Variants in ENG observed in about 807,000 individuals in gnomAD.
ENG encodes the protein CD105 antigen.
In ENG, 17 loss-of-function variants were observed where a neutral mutation model predicts 71.0. That is an observed-to-expected ratio of 0.24 (90% CI 0.16 to 0.36). ENG has a LOEUF of 0.36. Ranked by LOEUF, ENG falls within the 10% of genes least tolerant of loss-of-function variation. The pLI is 1.00. For synonymous variants in ENG, 360 were observed against 366.9 expected (o/e 0.98, Z 0.21); for missense variants, 749 against 868.3 (o/e 0.86, Z 1.73).
intron 8 of ENG, 123 bp from the exon 9 acceptor site, chr9:127,820,160 C>T (rs1334012468): frequency 5.2e-6 from 7 of 1,340,302 alleles, no homozygotes; most frequent in Non-Finnish European, 7.0e-6. Context: ...CTGCCCTGCT[C>T]CCTCTTCATT....
intron 12 of ENG, chr9:127,817,742 C>T (rs573373019): frequency 2.8e-5 from 11 of 394,098 alleles, no homozygotes; most frequent in East Asian, 2.2e-4. Context: ...GTCCTTTGTC[C>T]GCCTCTCTTC....
intron 2 of ENG, chr9:127,841,280 C>G (rs1300093772): frequency 6.6e-6 from 1 of 152,374 alleles, no homozygotes; most frequent in African/African-American, 2.4e-5. Flanking sequence ...TGAGAATGCA[C>G]CAGTCCCCTG....
chr9:127,825,147 C>T (rs533130003), intron 6 of ENG, 84 bp downstream of exon 6: 22 of 1,611,226 alleles, frequency 1.4e-5, no homozygotes, highest in African/African-American at 2.7e-5. Flanking sequence ...CAGCTCAGCT[C>T]GGGGGTTCAC....
At chr9:127,826,047 T>TAA (rs1211124289) in intron 4 of ENG, among the ~76,000 whole-genome samples, 187 bp from the exon 5 acceptor site, 3 of 152,048 alleles carry the variant, frequency 2.0e-5, no homozygotes, top group African/African-American at 7.2e-5. Context: ...CCTGTGCAAG[T>TAA]CCCCGGGCCT....
chr9:127,819,137 C>T (rs1169434337), intron 10 of ENG: 8 of 371,048 alleles, frequency 2.2e-5, no homozygotes, highest in African/African-American at 1.7e-4. Flanking sequence ...CGGGGTTTCA[C>T]CATGTTAGCC....
chr9:127,817,334 A>G, intron 12 of ENG, 131 bp from the exon 13 acceptor site: 1 of 900,182 alleles, frequency 1.1e-6, no homozygotes, highest in East Asian at 2.6e-5. Flanking sequence ...TCGTAGCTGG[A>G]TGCCTCTGGG....
intron 8 of ENG, 77 bp downstream of exon 8, chr9:127,824,227 G>T (rs902157748): frequency 1.7e-5 from 27 of 1,601,628 alleles, no homozygotes; most frequent in Admixed American, 6.7e-5. Flanking sequence ...CCTGGGCTAG[G>T]ACCCCAAGAG....
At chr9:127,851,991 C>T (rs1446296745) in intron 1 of ENG, among the ~76,000 whole-genome samples, 1 of 152,084 alleles carries the variant, frequency 6.6e-6, no homozygotes, top group Admixed American at 6.5e-5. Flanking sequence ...GCATATTGTA[C>T]ATTATTACTA....
chr9:127,829,688 T>C lies in ENG; in HGVS notation c.359A>G (p.Tyr120Cys), dbSNP rs863223533. 9 of 1,613,988 alleles carry C rather than the reference T, an allele frequency of 5.6e-6. No homozygotes were observed. Among genetic ancestry groups the C allele is most frequent in the South Asian group, 3.3e-5 (3 of 91,056 alleles). The change falls in exon 3 of 15, where the codon TAC (tyrosine) becomes TGC (cysteine). Residue 120 changes from tyrosine to cysteine, a missense_variant and splice_region_variant. Tyr to Cys is a radical substitution (Grantham distance 194, BLOSUM62 -2). Transcript: ENST00000373203. Reference sequence around the variant, plus strand: ...TGGGGTTGGAGGGAACACACTCACGTAGGCCAAGTGCAGTGGGATTCCCAG... The same window carrying C: ...TGGGGTTGGAGGGAACACACTCACGCAGGCCAAGTGCAGTGGGATTCCCAG... Reference protein sequence around the residue: ...QALGIPLHLAYNSSLVTFQEP... With the variant: ...QALGIPLHLACNSSLVTFQEP...
intron 6 of ENG, 69 bp from the exon 7 acceptor site, chr9:127,825,043 G>T: frequency 1.3e-6 from 2 of 1,591,784 alleles, no homozygotes; most frequent in Admixed American, 1.7e-5. Context: ...GCCAGCCAGG[G>T]TTATGCCAGG....
At position 127,817,763 on chromosome 9, in the gene ENG, C is replaced by T. The variant is rs1564452319; in HGVS notation, c.1686+357G>A. 5.7e-5 allele frequency: 24 copies of T among 423,756 alleles called. 1 individual carries two copies. Among genetic ancestry groups the T allele is most frequent in the South Asian group, 5.3e-4 (23 of 43,438 alleles). 26.2% of individuals were successfully genotyped at this position (423,756 alleles called of 1,614,324 possible). Reference sequence around the variant, plus strand: ...TGTCCGCCTCTCTTCCCTCAGGTCTCCTGTTCTTTGAGATTACACTGGTGA... The same window carrying T: ...TGTCCGCCTCTCTTCCCTCAGGTCTTCTGTTCTTTGAGATTACACTGGTGA... On this transcript the variant is annotated intron_variant, in intron 12 of 14. Coordinates refer to ENST00000373203, the MANE Select transcript of ENG (RefSeq NM_001114753.3).
chr9:127,854,091 C>T (rs183210492), intron 1 of ENG, among the ~76,000 whole-genome samples, 198 bp downstream of exon 1: 3 of 152,304 alleles, frequency 2.0e-5, no homozygotes, highest in East Asian at 1.9e-4. Flanking sequence ...CCAGTTTGCC[C>T]GAGGCTTTCT....
intron 2 of ENG, among the ~76,000 whole-genome samples, chr9:127,842,221 TTTTC>T (rs1831051595): frequency 1.6e-5 from 1 of 64,276 alleles, no homozygotes; most frequent in Admixed American, 2.8e-4. Flanking sequence ...TCTCTTTTTC[TTTTC>T]TTTTTTTTTT....
At chr9:127,831,738 C>T (rs1830771483) in intron 2 of ENG, among the ~76,000 whole-genome samples, 1 of 149,366 alleles carries the variant, frequency 6.7e-6, no homozygotes, top group South Asian at 2.1e-4. Context: ...GTCACCCAGG[C>T]TGGAACCCAG....
intron 6 of ENG, 22 bp downstream of exon 6, chr9:127,825,209 C>A: frequency 6.2e-7 from 1 of 1,612,950 alleles, no homozygotes; most frequent in Non-Finnish European, 8.5e-7. Context: ...GTTTTGTGTC[C>A]CGGGAGCTGC....
At chr9:127,816,104 C>T in intron 13 of ENG, 51 bp from the exon 14 acceptor site, 1 of 1,585,128 alleles carries the variant, frequency 6.3e-7, no homozygotes, top group Non-Finnish European at 8.6e-7. Flanking sequence ...TGCCCCATCC[C>T]CTACCCTGTT....
chr9:127,854,329 A>G lies in ENG; in HGVS notation c.27T>C (p.Ala9=), dbSNP rs2131936584. Reference sequence around the variant, plus strand: ...TGCAGCTGGCCAGCAGCAGGGCAACAGCCAGAGGGAGCGTGCCGCGGTCCA... The same window carrying G: ...TGCAGCTGGCCAGCAGCAGGGCAACGGCCAGAGGGAGCGTGCCGCGGTCCA... MDRGTLPL[A]VALLLASCSL... The change falls in exon 1 of 15, where the codon GCT becomes GCC. Residue 9 remains alanine, a synonymous_variant. Transcript: ENST00000373203. 1.9e-6 allele frequency: 3 copies of G among 1,595,532 alleles called. No individual in the cohort carries two copies. In the Admixed American group the frequency reaches 5.2e-5, roughly 28 times the overall value.
Position 127,824,286 on chromosome 9 carries a change from G to A in ENG, c.1134+18C>T. On this transcript the variant is annotated intron_variant, in intron 8 of 14. Transcript: ENST00000373203. ...ATGTCCATGTCATCCTGAGCCAGAG[G>A]GGCAGGAGTTCCCTTACCGCAACAA... 6.2e-7 allele frequency: 1 copy of A among 1,614,028 alleles called. No homozygotes were observed.
intron 3 of ENG, 85 bp downstream of exon 3, chr9:127,829,602 G>A (rs1472543855): frequency 6.4e-7 from 1 of 1,570,224 alleles, no homozygotes; most frequent in Non-Finnish European, 8.7e-7. Flanking sequence ...GGCCGCTGGG[G>A]TGGGAGACCC....
Sources: gnomAD v4.1 joint callset for allele counts (sites outside exome capture counted in the v4.1 genomes callset) on GRCh38, gnomAD v4.1.1 for gene constraint, MANE v1.5 for transcripts, NCBI Gene and HGNC (gene_info 2026-07-23, HGNC 2026-07-21) for gene names.